Variants in TBC1D30 observed in about 807,000 individuals in gnomAD.
TBC1D30 encodes TBC1 domain family, member 30.
Under a neutral mutation model 63.2 loss-of-function variants are expected in TBC1D30, and 31 were observed. That is an observed-to-expected ratio of 0.49 (90% CI 0.37 to 0.66). The LOEUF is 0.66. Ranked by LOEUF, TBC1D30 falls within the 30% of genes least tolerant of loss-of-function variation. The pLI, the probability that TBC1D30 is intolerant of heterozygous loss-of-function variation, is 0.00. For missense variants in TBC1D30, 810 were observed against 953.6 expected, an observed-to-expected ratio of 0.85 and a Z score of 1.98; for synonymous variants, 307 against 361.5, an observed-to-expected ratio of 0.85 and a Z score of 1.71.
chr12:64,864,879 A>C, intron 9 of TBC1D30, 99 bp downstream of exon 9: 4 of 828,270 alleles, frequency 4.8e-6, no homozygotes, highest in Non-Finnish European at 7.4e-6. Flanking sequence ...AGATATGTTA[A>C]AGTAAGTTGA....
At chr12:64,834,867 T>A (rs965174251) in intron 5 of TBC1D30, among the ~76,000 whole-genome samples, 1 of 150,992 alleles carries the variant, frequency 6.6e-6, no homozygotes, top group Non-Finnish European at 1.5e-5. Context: ...ATTGAAGAAT[T>A]TTTTTTTTGC....
At chr12:64,776,071 G>T (rs148870916), upstream of TBC1D30, among the ~76,000 whole-genome samples, 2 of 152,152 alleles carry the variant, frequency 1.3e-5, no homozygotes, top group African/African-American at 4.8e-5. Context: ...GAAGCTCTTC[G>T]AAACTAATGA....
At chr12:64,847,030 C>T (rs908036526) in intron 8 of TBC1D30, among the ~76,000 whole-genome samples, 2 of 152,096 alleles carry the variant, frequency 1.3e-5, no homozygotes, top group Non-Finnish European at 2.9e-5. Context: ...TTTTTCTTTA[C>T]TGGGAGATTT....
At chr12:64,873,527 T>C (rs1175649254) in intron 11 of TBC1D30, among the ~76,000 whole-genome samples, 2 of 151,540 alleles carry the variant, frequency 1.3e-5, no homozygotes, top group African/African-American at 4.9e-5. Flanking sequence ...TCTGGCAGGG[T>C]AGGGGTGTCA....
chr12:64,862,895 A>G (rs1877910200), intron 8 of TBC1D30, among the ~76,000 whole-genome samples: 2 of 152,198 alleles, frequency 1.3e-5, no homozygotes, highest in South Asian at 4.1e-4. Flanking sequence ...AGTTAGGGCA[A>G]TGCAGCTCCT....
intron 5 of TBC1D30, among the ~76,000 whole-genome samples, chr12:64,835,524 G>A (rs1217024063): frequency 6.6e-6 from 1 of 152,048 alleles, no homozygotes; most frequent in Admixed American, 6.6e-5. Context: ...TGTTTTTCTG[G>A]TGCTTTTGGG....
chr12:64,788,554 G>A (rs1315466786), intron 2 of TBC1D30, among the ~76,000 whole-genome samples: 2 of 152,094 alleles, frequency 1.3e-5, no homozygotes, highest in Non-Finnish European at 2.9e-5. Flanking sequence ...AGTTACTAGG[G>A]ACTGATTATC....
chr12:64,863,541 T>G (rs1253205566), intron 8 of TBC1D30, among the ~76,000 whole-genome samples: 1 of 152,148 alleles, frequency 6.6e-6, no homozygotes, highest in African/African-American at 2.4e-5. Flanking sequence ...ACAGTAAGCG[T>G]GGAGAATTGA....
At chr12:64,793,335 A>C (rs7309795) in intron 2 of TBC1D30, among the ~76,000 whole-genome samples, 105,005 of 151,412 alleles carry the variant, frequency 0.69, 37,955 homozygotes, top group African/African-American at 0.91. Flanking sequence ...AGAGTGAGAT[A>C]CTGACTCAAA....
In TBC1D30 at chr12:64,852,671, G is replaced by T. The variant is rs76101659; in HGVS notation, c.1038+9186G>T. Among the ~76,000 whole-genome samples the T allele has an allele frequency of 1.2e-4, 19 of 152,240 alleles. No homozygotes were observed. In the East Asian group the frequency reaches 2.9e-3, roughly 23 times the overall value. ...TCAGTGACCTTCGGATGGGGTTTTT[G>T]TGTGGACATCCTTTTTGTTGATGTT... On this transcript the variant is annotated intron_variant, in intron 8 of 11. Transcript: ENST00000539867.
chr12:64,843,670 G>C (rs1192385164), intron 8 of TBC1D30, among the ~76,000 whole-genome samples, 185 bp downstream of exon 8: 2 of 152,242 alleles, frequency 1.3e-5, no homozygotes, highest in Non-Finnish European at 2.9e-5. Context: ...AGAAATGAAT[G>C]ATGGATATTT....
chr12:64,775,675 A>G (rs1407519834), upstream of TBC1D30, among the ~76,000 whole-genome samples: 1 of 152,222 alleles, frequency 6.6e-6, no homozygotes, highest in African/African-American at 2.4e-5. Context: ...CCACACAATA[A>G]TAGTGAGAGA....
chr12:64,837,377 A>T (rs1875458779), intron 6 of TBC1D30, among the ~76,000 whole-genome samples: 1 of 151,996 alleles, frequency 6.6e-6, no homozygotes, highest in Admixed American at 6.6e-5. Context: ...ACTGTAATGT[A>T]GGATCAGTGG....
At chr12:64,828,018 T>C (rs1874516523) in intron 2 of TBC1D30, 122 bp downstream of exon 2, 2 of 725,722 alleles carry the variant, frequency 2.8e-6, no homozygotes, top group Admixed American at 3.1e-5. Flanking sequence ...ACTTCAACAA[T>C]ATTTCAGTTA....
chr12:64,854,358 A>G (rs1214623526), intron 8 of TBC1D30, among the ~76,000 whole-genome samples: 1 of 152,198 alleles, frequency 6.6e-6, no homozygotes, highest in Non-Finnish European at 1.5e-5. Flanking sequence ...TGCAAAAAGA[A>G]AACTAATAAA....
At chr12:64,788,913 A>G (rs2136299752) in intron 2 of TBC1D30, among the ~76,000 whole-genome samples, 1 of 152,320 alleles carries the variant, frequency 6.6e-6, no homozygotes, top group South Asian at 2.1e-4. Context: ...TTATTTACCC[A>G]TCTTAAAACT....
intron 2 of TBC1D30, among the ~76,000 whole-genome samples, chr12:64,796,819 C>T (rs564186037): frequency 7.2e-5 from 11 of 152,118 alleles, no homozygotes; most frequent in African/African-American, 2.2e-4. Flanking sequence ...AAGATTAAGA[C>T]CTCACGATTT....
intron 2 of TBC1D30, among the ~76,000 whole-genome samples, chr12:64,802,441 G>A (rs946051319): frequency 2.6e-5 from 4 of 151,948 alleles, no homozygotes; most frequent in African/African-American, 9.7e-5. Context: ...TACCTGGGAC[G>A]ACTCTTCCTG....
intron 1 of TBC1D30, among the ~76,000 whole-genome samples, chr12:64,765,851 C>T (rs1033354195): frequency 1.6e-3 from 198 of 121,782 alleles, no homozygotes; most frequent in African/African-American, 5.9e-3. Context: ...AAAAAAAATA[C>T]AATACACAAA....
Sources: gnomAD v4.1 joint callset for allele counts (sites outside exome capture counted in the v4.1 genomes callset) on GRCh38, gnomAD v4.1.1 for gene constraint, MANE v1.5 for transcripts, NCBI Gene and HGNC (gene_info 2026-07-23, HGNC 2026-07-21) for gene names.